GPALPP1: variants seen among roughly 807,000 people sequenced by gnomAD.
GPALPP1 encodes GPALPP motifs containing 1.
A neutral mutation model predicts 38.9 loss-of-function variants in GPALPP1; 30 were observed. That is an observed-to-expected ratio of 0.77 (90% CI 0.58 to 1.05). The LOEUF (loss-of-function observed/expected upper bound fraction) is 1.05. Among genes scored for constraint, GPALPP1 ranks in the 50% least tolerant of loss-of-function variants. The probability of loss-of-function intolerance (pLI) is 0.00; values close to 1 mark genes in which losing one functional copy is unlikely to be tolerated. For synonymous variants in GPALPP1, 120 were observed against 139.2 expected, an observed-to-expected ratio of 0.86 and a Z score of 0.97; for missense variants, 384 against 408.8, an observed-to-expected ratio of 0.94 and a Z score of 0.52.
chr13:45,006,495 T>G (rs1459936149), intron 3 of GPALPP1, among the ~76,000 whole-genome samples, 192 bp downstream of exon 3: 1 of 152,222 alleles, frequency 6.6e-6, no homozygotes, highest in African/African-American at 2.4e-5. Context: ...TATGACACTT[T>G]CATAGTTTAC....
exon 8 of GPALPP1, chr13:45,037,205 T>C (rs1876419727): frequency 6.6e-6 from 1 of 152,240 alleles, no homozygotes; most frequent in African/African-American, 2.4e-5. Flanking sequence ...ATAAAGTATT[T>C]AGTCCTAGTT....
chr13:45,001,147 T>G (rs1361256686), intron 1 of GPALPP1, among the ~76,000 whole-genome samples: 1 of 152,188 alleles, frequency 6.6e-6, no homozygotes. Context: ...CATGCTGTTC[T>G]CGTGATAGTG....
chr13:45,024,162 T>TGTGTGTGTGC (rs1875621983), intron 7 of GPALPP1, among the ~76,000 whole-genome samples: 3 of 20,022 alleles, frequency 1.5e-4, no homozygotes, highest in African/African-American at 2.1e-4. Flanking sequence ...TGTGTGTGTG[T>TGTGTGTGTGC]GTGTGTGTGT....
intron 1 of GPALPP1, among the ~76,000 whole-genome samples, chr13:44,994,318 C>G (rs1873088536): frequency 6.6e-6 from 1 of 150,826 alleles, no homozygotes; most frequent in Non-Finnish European, 1.5e-5. Flanking sequence ...CACGGTGGCT[C>G]ACGCCTGTAA....
chr13:45,036,139 C>T (rs1876393785), exon 8 of GPALPP1: 1 of 152,224 alleles, frequency 6.6e-6, no homozygotes, highest in African/African-American at 2.4e-5. Flanking sequence ...GCAACAAACA[C>T]CAGCACCAGC....
intron 4 of GPALPP1, among the ~76,000 whole-genome samples, chr13:45,011,397 C>T (rs996271613): frequency 3.9e-5 from 6 of 152,002 alleles, no homozygotes; most frequent in African/African-American, 4.8e-5. Context: ...CCCAAGATTG[C>T]GTAATTTATA....
chr13:45,020,596 A>C (rs563475588), intron 7 of GPALPP1, among the ~76,000 whole-genome samples, 168 bp downstream of exon 7: 1 of 151,918 alleles, frequency 6.6e-6, no homozygotes, highest in Admixed American at 6.6e-5. Context: ...AAATTAGCCA[A>C]CTGAGTTGGG....
chr13:44,990,069 A>T (rs1872677713), intron 1 of GPALPP1: 1 of 511,920 alleles, frequency 2.0e-6, no homozygotes, highest in Non-Finnish European at 3.4e-6. Flanking sequence ...CCATGTTGCA[A>T]ATGGGTACGC....
At chr13:45,024,309 T>TGTGTGTGTG (rs1566084695) in intron 7 of GPALPP1, among the ~76,000 whole-genome samples, 1 of 144,994 alleles carries the variant, frequency 6.9e-6, no homozygotes, top group African/African-American at 2.6e-5. Context: ...TGTGTGTGTG[T>TGTGTGTGTG]TTTGAGACTG....
rs151309735 is a variant in GPALPP1 at position 45,015,481 on chromosome 13, C to G, written c.590C>G (p.Pro197Arg). 4.9e-3 allele frequency: 7,935 copies of G among 1,606,896 alleles called. 28 individuals are homozygous for G. Among genetic ancestry groups the G allele is most frequent in the Middle Eastern group, 6.6e-3 (40 of 6,024 alleles). ...GAGTCATGGATGACTGAACTTCCTC[C>G]AGAAATGAAAGACTTTGGTCTTGGG... ...VRESWMTELP[P>R]EMKDFGLGPR... The change falls in exon 6 of 8, where the codon CCA becomes CGA. Residue 197 changes from proline (P) to arginine (R), a missense_variant. Physicochemically the swap from Pro to Arg is moderately radical, Grantham distance 103. Coordinates refer to ENST00000379151, the MANE Select transcript of GPALPP1 (RefSeq NM_018559.5).
At chr13:44,994,724 A>T (rs142464692) in intron 1 of GPALPP1, among the ~76,000 whole-genome samples, 36 of 152,368 alleles carry the variant, frequency 2.4e-4, no homozygotes, top group Admixed American at 9.1e-4. Flanking sequence ...CATGGTTTTC[A>T]TAATAAAAGT....
chr13:45,033,097 T>TGTACA (rs1876282371), downstream of GPALPP1: 1 of 151,946 alleles, frequency 6.6e-6, no homozygotes, highest in Admixed American at 6.6e-5. Context: ...TGCTTCAGAA[T>TGTACA]AGATCAATGG....
At chr13:45,032,904 G>A (rs111243278), downstream of GPALPP1, among the ~76,000 whole-genome samples, 1,942 of 151,722 alleles carry the variant, frequency 0.013, 22 homozygotes, top group Non-Finnish European at 0.022. Flanking sequence ...GGGCATGGCG[G>A]TGTGCGCCTG....
At chr13:44,999,655 C>G (rs1873526799) in intron 1 of GPALPP1, among the ~76,000 whole-genome samples, 2 of 152,176 alleles carry the variant, frequency 1.3e-5, no homozygotes, top group South Asian at 4.1e-4. Flanking sequence ...TCTTGGCTCA[C>G]AGCAACCTCC....
rs1874734856 is a variant in GPALPP1, at chr13:45,015,010, TTAACTA to T, written c.471_476del (p.Tyr158_Asn159del). 4 of 1,606,630 alleles carry T rather than the reference TTAACTA, an allele frequency of 2.5e-6. No homozygotes were observed. The South Asian group carries it at 4.4e-5, about 18-fold the overall frequency. ...GGACCAATGCCTGCAAAAGGACCAG[TTAACTA>T]TAATGTAACGACAGAGTTTGAAAAA... On this transcript the variant is annotated inframe_deletion, in exon 5 of 8. Transcript: ENST00000379151.
At chr13:45,003,960 GT>G (rs954926200) in intron 1 of GPALPP1, among the ~76,000 whole-genome samples, 1 of 148,142 alleles carries the variant, frequency 6.8e-6, no homozygotes, top group Non-Finnish European at 1.5e-5. Context: ...TTGTTTGTTT[GT>G]TTTTTTGTTT....
chr13:45,004,477 A>G (rs755801667), intron 2 of GPALPP1, 40 bp downstream of exon 2: 2 of 1,500,308 alleles, frequency 1.3e-6, no homozygotes, highest in Non-Finnish European at 1.9e-6. Flanking sequence ...ACCAAACTTC[A>G]GAGCTAGTAT....
At chr13:45,005,722 T>G (rs1874039132) in intron 2 of GPALPP1, among the ~76,000 whole-genome samples, 1 of 152,168 alleles carries the variant, frequency 6.6e-6, no homozygotes, top group Non-Finnish European at 1.5e-5. Flanking sequence ...AGGAAAAGAC[T>G]AGTTACGAAC....
chr13:45,019,498 A>G (rs1023250916), intron 6 of GPALPP1, among the ~76,000 whole-genome samples: 1 of 151,588 alleles, frequency 6.6e-6, no homozygotes, highest in Non-Finnish European at 1.5e-5. Flanking sequence ...ACTTTGCTAT[A>G]CTTGCTTAGT....
Sources: gnomAD v4.1 joint callset for allele counts (sites outside exome capture counted in the v4.1 genomes callset) on GRCh38, gnomAD v4.1.1 for gene constraint, MANE v1.5 for transcripts, NCBI Gene and HGNC (gene_info 2026-07-23, HGNC 2026-07-21) for gene names.